PUS7: variants seen among roughly 807,000 people sequenced by gnomAD.
PUS7 encodes the protein pseudouridylate synthase 7 homolog.
PUS7 carries 48 observed loss-of-function variants against 79.8 expected under a neutral mutation model. That is an observed-to-expected ratio of 0.60 (90% CI 0.48 to 0.76). The LOEUF (loss-of-function observed/expected upper bound fraction) is 0.76. Ranked by LOEUF, PUS7 falls within the 30% of genes least tolerant of loss-of-function variation. The pLI is 0.00. For missense variants in PUS7, 729 were observed against 797.6 expected, an observed-to-expected ratio of 0.91 and a Z score of 1.04; for synonymous variants, 286 against 272.2, an observed-to-expected ratio of 1.05 and a Z score of -0.50.
chr7:105,482,666 C>T (rs1376885884), intron 7 of PUS7, among the ~76,000 whole-genome samples: 1 of 151,922 alleles, frequency 6.6e-6, no homozygotes, highest in Non-Finnish European at 1.5e-5. Context: ...ATACTCCTGG[C>T]CATATTTTAT....
intron 9 of PUS7, among the ~76,000 whole-genome samples, chr7:105,472,406 T>C (rs1823909521): frequency 6.6e-6 from 1 of 152,070 alleles, no homozygotes; most frequent in African/African-American, 2.4e-5. Flanking sequence ...CCACCATACC[T>C]GGCTAAGTTT....
intron 1 of PUS7, among the ~76,000 whole-genome samples, chr7:105,511,748 G>A (rs552673356): frequency 8.5e-5 from 13 of 152,140 alleles, no homozygotes; most frequent in Admixed American, 7.9e-4. Context: ...GCAACAGAGC[G>A]AGTCTCCATC....
intron 7 of PUS7, 29 bp downstream of exon 7, chr7:105,491,511 A>G: frequency 6.9e-7 from 1 of 1,455,264 alleles, no homozygotes; most frequent in Non-Finnish European, 9.5e-7. Flanking sequence ...TATTTACAGT[A>G]TAAATCCTGT....
rs368527132 is a variant in PUS7 at position 105,468,301 on chromosome 7, A to G, written c.1525+36T>C. On this transcript the variant is annotated intron_variant, in intron 12 of 15. Coordinates refer to ENST00000469408, the MANE Select transcript of PUS7 (RefSeq NM_019042.5). Reference sequence around the variant, plus strand: ...CACTAGTGGCAACTAACTGAACCCTAGCTTAGCTGAGTAACAAAGACATCT... The same window carrying G: ...CACTAGTGGCAACTAACTGAACCCTGGCTTAGCTGAGTAACAAAGACATCT... 4.4e-6 allele frequency: 7 copies of G among 1,600,294 alleles called. No individual in the cohort carries two copies. In the East Asian group the frequency reaches 8.9e-5, roughly 20 times the overall value.
At chr7:105,484,680 G>A (rs1474006057) in intron 7 of PUS7, among the ~76,000 whole-genome samples, 4 of 151,242 alleles carry the variant, frequency 2.6e-5, no homozygotes, top group Non-Finnish European at 5.9e-5. Flanking sequence ...TTAGCCGGGT[G>A]TGGTGGCACA....
Position 105,507,918 on chromosome 7 carries a change from G to A in PUS7, c.398+197C>T, listed in dbSNP as rs191863922. 5.8e-3 allele frequency among the ~76,000 whole-genome samples: 883 copies of A among 152,036 alleles called. 12 individuals carry two copies. The highest frequency in any genetic ancestry group is 0.02 in the African/African-American group (846 of 41,468). ...AGAGTGAGACCCTCTCTCAAAAAAA[G>A]GGAAAAAATTAATTAATTAAAATTT... On this transcript the variant is annotated intron_variant, in intron 2 of 15. Transcript: ENST00000469408.
intron 14 of PUS7, chr7:105,462,198 G>A (rs770739492): frequency 1.1e-4 from 18 of 157,010 alleles, no homozygotes; most frequent in East Asian, 1.9e-4. Context: ...TTGGGAGGCC[G>A]GGGCAGGAGG....
At chr7:105,511,158 A>C (rs1825685767) in intron 1 of PUS7, among the ~76,000 whole-genome samples, 3 of 151,284 alleles carry the variant, frequency 2.0e-5, no homozygotes, top group Non-Finnish European at 4.4e-5. Flanking sequence ...CAGCCTCCCA[A>C]GTAGCTGGGA....
At chr7:105,517,317 C>T (rs1018033225) in intron 1 of PUS7, among the ~76,000 whole-genome samples, 12 of 152,176 alleles carry the variant, frequency 7.9e-5, no homozygotes, top group South Asian at 2.1e-4. Context: ...TGCGCCAACA[C>T]GCCTGGCTAA....
At chr7:105,520,651 G>A (rs1198135766) in intron 1 of PUS7, among the ~76,000 whole-genome samples, 1 of 152,232 alleles carries the variant, frequency 6.6e-6, no homozygotes, top group African/African-American at 2.4e-5. Context: ...GAACCCAGGA[G>A]GCTGAGGTTG....
intron 14 of PUS7, 102 bp from the exon 15 acceptor site, chr7:105,459,361 C>T: frequency 1.6e-6 from 1 of 638,426 alleles, no homozygotes; most frequent in Non-Finnish European, 2.6e-6. Flanking sequence ...AGTAAGTTTA[C>T]TGTAAATAAT....
At chr7:105,483,770 A>G (rs984390786) in intron 7 of PUS7, among the ~76,000 whole-genome samples, 11 of 152,192 alleles carry the variant, frequency 7.2e-5, no homozygotes, top group Non-Finnish European at 1.3e-4. Context: ...TGTTGGGATT[A>G]CAGCCATGAG....
chr7:105,516,960 G>C (rs9690176), intron 1 of PUS7, among the ~76,000 whole-genome samples: 397 of 152,088 alleles, frequency 2.6e-3, no homozygotes, highest in African/African-American at 8.6e-3. Context: ...ATGTGAAAAG[G>C]GGGGAGAGGG....
chr7:105,494,563 C>T (rs1824927598), intron 6 of PUS7, among the ~76,000 whole-genome samples: 1 of 152,174 alleles, frequency 6.6e-6, no homozygotes. Context: ...GCACATGCCA[C>T]CATGCCCAGC....
chr7:105,491,720 A>C (rs1272848976), intron 6 of PUS7, 103 bp from the exon 7 acceptor site: 21 of 676,508 alleles, frequency 3.1e-5, no homozygotes, highest in Non-Finnish European at 5.2e-5. Context: ...ACTTACAATC[A>C]TAACACAGTA....
intron 14 of PUS7, among the ~76,000 whole-genome samples, chr7:105,461,920 G>A (rs909662313): frequency 2.1e-4 from 32 of 152,102 alleles, no homozygotes; most frequent in African/African-American, 7.2e-4. Context: ...GCTCATGCCC[G>A]TAATCCCAAT....
Position 105,457,804 on chromosome 7 carries a change from T to A in PUS7, c.1972A>T (p.Thr658Ser), listed in dbSNP as rs761716372. The A allele has an allele frequency of 6.2e-7, 1 of 1,614,020 alleles. No homozygotes were observed. The highest frequency in any genetic ancestry group is 8.5e-7 in the Non-Finnish European group (1 of 1,179,938). The change falls in exon 16 of 16, where the codon ACC becomes TCC. Residue 658 changes from threonine to serine, a missense_variant. Physicochemically the swap from Thr to Ser is moderately conservative, Grantham distance 58. Transcript: ENST00000469408. ...SIKNQTQLNTTWLR is the reference protein window; with the variant it reads ...SIKNQTQLNTSWLR ...CAAGGTACTGCTCAGCGAAGCCAGG[T>A]TGTATTCAGCTGCGTCTGGTTCTTG... is the stretch of plus-strand genomic sequence containing the variant.
intron 8 of PUS7, 41 bp from the exon 9 acceptor site, chr7:105,481,218 T>A: frequency 6.4e-7 from 1 of 1,574,722 alleles, no homozygotes; most frequent in Non-Finnish European, 8.6e-7. Context: ...AAAGTTACAG[T>A]CAAATACTCA....
At position 105,482,420 on chromosome 7, in the gene PUS7, G is replaced by C; in HGVS notation, c.941C>G (p.Ala314Gly). The C allele has an allele frequency of 1.2e-6, 2 of 1,608,882 alleles. No individual in the cohort carries two copies. Among genetic ancestry groups the C allele is most frequent in the Non-Finnish European group, 1.7e-6 (2 of 1,177,872 alleles). The part of the protein sequence containing the change: ...AVLKITAQRL[A>G]HLNKCLMNFK... ...GTTCATCAAGCACTTATTCAGGTGG[G>C]CAAGTCTTTGTGCAGTTATTCTTTA... Residue 314 changes from alanine to glycine, a missense_variant, in exon 8 of 16, where the codon GCC (alanine) becomes GGC (glycine). Physicochemically the swap from Ala to Gly is moderately conservative, Grantham distance 60. Transcript: ENST00000469408.
Sources: allele counts gnomAD v4.1 joint callset (sites outside exome capture counted in the v4.1 genomes callset), GRCh38; gene constraint gnomAD v4.1.1; transcripts MANE v1.5; gene names NCBI Gene and HGNC (gene_info 2026-07-23, HGNC 2026-07-21).